The following ARRB1 variants were observed in gnomAD, a reference collection of about 807,000 sequenced individuals.
The protein encoded by ARRB1 is beta-arrestin-1.
In ARRB1, 21 loss-of-function variants were observed where a neutral mutation model predicts 56.8. The ratio of observed to expected loss-of-function variants is 0.37; its 90% confidence interval spans 0.26 to 0.53. The LOEUF is 0.53. Among genes scored for constraint, ARRB1 ranks in the 20% least tolerant of loss-of-function variants. The pLI, the probability that ARRB1 is intolerant of heterozygous loss-of-function variation, is 0.88. For synonymous variants in ARRB1, 210 were observed against 218.6 expected, an observed-to-expected ratio of 0.96 and a Z score of 0.35; for missense variants, 424 against 553.7, an observed-to-expected ratio of 0.77 and a Z score of 2.35.
At chr11:75,289,651 G>A (rs1031570405) in intron 2 of ARRB1, among the ~76,000 whole-genome samples, 1 of 152,160 alleles carries the variant, frequency 6.6e-6, no homozygotes, top group African/African-American at 2.4e-5. Context: ...AGGAGGTGAC[G>A]CTAGGGTCCT....
chr11:75,343,711 A>C (rs923236177), intron 1 of ARRB1, among the ~76,000 whole-genome samples: 1 of 152,192 alleles, frequency 6.6e-6, no homozygotes, highest in Non-Finnish European at 1.5e-5. Context: ...TAATCTGCTA[A>C]TAATCCATGC....
intron 10 of ARRB1, among the ~76,000 whole-genome samples, chr11:75,276,278 C>T (rs1946199419): frequency 6.6e-6 from 1 of 152,086 alleles, no homozygotes; most frequent in Non-Finnish European, 1.5e-5. Flanking sequence ...AAAGATGTTT[C>T]ACTTCAGATC....
At chr11:75,289,088 G>A (rs1331071877) in intron 2 of ARRB1, among the ~76,000 whole-genome samples, 1 of 152,178 alleles carries the variant, frequency 6.6e-6, no homozygotes, top group Non-Finnish European at 1.5e-5. Flanking sequence ...AGCAGGGAAG[G>A]GCAATGGTGA....
chr11:75,337,004 T>C (rs1947615606), intron 1 of ARRB1, among the ~76,000 whole-genome samples: 1 of 152,244 alleles, frequency 6.6e-6, no homozygotes, highest in African/African-American at 2.4e-5. Context: ...ATAGACATGT[T>C]TTATTTAATT....
rs372495305 is a variant in ARRB1, at chr11:75,332,670, G to C, written c.20+18918C>G. Among the ~76,000 whole-genome samples, 488 of 152,304 alleles carry C rather than the reference G, an allele frequency of 3.2e-3. 6 individuals carry two copies. The highest frequency in any genetic ancestry group is 0.011 in the African/African-American group (465 of 41,562). On this transcript the variant is annotated intron_variant, in intron 1 of 15. Transcript: ENST00000420843. ...CCAGCACTTTGGGAGGCCGAGGCAGGCTGATCATGAGGTCAGGAGTTCGAG... is the reference window on the plus strand; with the variant it reads ...CCAGCACTTTGGGAGGCCGAGGCAGCCTGATCATGAGGTCAGGAGTTCGAG...
chr11:75,317,421 C>T (rs931933054), intron 1 of ARRB1, among the ~76,000 whole-genome samples: 2 of 152,076 alleles, frequency 1.3e-5, no homozygotes, highest in African/African-American at 2.4e-5. Flanking sequence ...CCCCAACCCC[C>T]GACGGCATCC....
intron 1 of ARRB1, among the ~76,000 whole-genome samples, chr11:75,333,929 G>A (rs1018671123): frequency 2.0e-5 from 3 of 152,132 alleles, no homozygotes; most frequent in Non-Finnish European, 4.4e-5. Context: ...AGGTCAGCTC[G>A]GCCTGCCCTG....
chr11:75,339,030 C>G (rs1042684976), intron 1 of ARRB1, among the ~76,000 whole-genome samples: 1 of 152,244 alleles, frequency 6.6e-6, no homozygotes, highest in African/African-American at 2.4e-5. Context: ...GAACCCCAGC[C>G]TGCTGCCTCC....
intron 1 of ARRB1, among the ~76,000 whole-genome samples, chr11:75,293,615 T>G (rs1946658720): frequency 6.6e-6 from 1 of 152,172 alleles, no homozygotes; most frequent in Non-Finnish European, 1.5e-5. Context: ...ACAGCCTGAT[T>G]CACAGAGCTG....
At chr11:75,332,995 T>A (rs1947545035) in intron 1 of ARRB1, among the ~76,000 whole-genome samples, 1 of 152,170 alleles carries the variant, frequency 6.6e-6, no homozygotes, top group Non-Finnish European at 1.5e-5. Context: ...ATTCCTTAAA[T>A]GTATTTGATT....
At position 75,262,458 on chromosome 11, in the gene ARRB1, T is replaced by G. The variant is rs1047955676; in HGVS notation, c.*3705A>C. On this transcript the variant is annotated 3_prime_UTR_variant, in exon 16 of 16. Transcript: ENST00000420843. ...TCATCAAAGCCAAATTGGCTGTATC[T>G]CATTCTGGTTGACATCTGCCTAAGT... 4 of 152,220 alleles carry G rather than the reference T, an allele frequency of 2.6e-5. No individual in the cohort carries two copies. The highest frequency in any genetic ancestry group is 4.8e-5 in the African/African-American group (2 of 41,458). The allele number at this position is 152,220 out of a possible 1,614,324, so 9.4% of individuals were successfully genotyped here. A position where few individuals can be genotyped will look rare whatever the true frequency, so the allele number is the denominator to read the frequency against.
chr11:75,343,678 T>C (rs180971248), intron 1 of ARRB1, among the ~76,000 whole-genome samples: 92 of 152,294 alleles, frequency 6.0e-4, no homozygotes, highest in African/African-American at 2.1e-3. Context: ...AATCTGGTTC[T>C]TCCAAGAGCC....
Position 75,277,458 on chromosome 11 carries a change from A to G in ARRB1, c.619-10T>C. On this transcript the variant is annotated splice_polypyrimidine_tract_variant and intron_variant, in intron 8 of 15. Transcript: ENST00000420843. ...CTCCATGGTAATAGATCTGGGGGGC[A>G]TAAGAAGGGACGGGGTTGGCTGGGA... 6.2e-7 allele frequency: 1 copy of G among 1,613,506 alleles called. No individual in the cohort carries two copies. Among genetic ancestry groups the G allele is most frequent in the South Asian group, 1.1e-5 (1 of 91,072 alleles).
intron 15 of ARRB1, 38 bp downstream of exon 15, chr11:75,267,614 G>GCCC: frequency 7.5e-7 from 1 of 1,325,142 alleles, no homozygotes; most frequent in Non-Finnish European, 1.1e-6. Flanking sequence ...CCCACCCGCG[G>GCCC]CCCACCCCCG....
intron 1 of ARRB1, among the ~76,000 whole-genome samples, chr11:75,345,223 A>G (rs1947746954): frequency 1.3e-5 from 2 of 152,312 alleles, no homozygotes; most frequent in South Asian, 4.1e-4. Context: ...AGGAACAAGC[A>G]GTTCTTCTGA....
intron 1 of ARRB1, among the ~76,000 whole-genome samples, chr11:75,327,985 A>G (rs1042169946): frequency 6.6e-6 from 1 of 152,240 alleles, no homozygotes; most frequent in Non-Finnish European, 1.5e-5. Flanking sequence ...TGAACAATTC[A>G]GTGGCATTTA....
chr11:75,307,192 G>A (rs956105376), intron 1 of ARRB1, among the ~76,000 whole-genome samples: 5 of 152,160 alleles, frequency 3.3e-5, no homozygotes, highest in African/African-American at 7.2e-5. Flanking sequence ...ATCTCCGTCC[G>A]TAGCTGCTGC....
chr11:75,274,463 C>A (rs1946147452), intron 10 of ARRB1: 4 of 490,298 alleles, frequency 8.2e-6, no homozygotes, highest in Admixed American at 3.3e-5. Context: ...TTATCCTAGT[C>A]AAGCAGCACA....
chr11:75,303,705 G>A lies in ARRB1; in HGVS notation c.21-13666C>T, dbSNP rs1444256661. ...AAGCAAGCCCTCCCTCAAAAGCACA[G>A]TGGGAGGGTGGGAGGAGGTGCATGT... On this transcript the variant is annotated intron_variant, in intron 1 of 15. Transcript: ENST00000420843. 2.0e-5 allele frequency: 9 copies of A among 456,098 alleles called. No homozygotes were observed. The Admixed American group carries it at 2.1e-4, about 11-fold the overall frequency. The allele number at this position is 456,098 out of a possible 1,614,324, so 28.3% of individuals were successfully genotyped here.
Sources: gnomAD v4.1 joint callset for allele counts (sites outside exome capture counted in the v4.1 genomes callset) on GRCh38, gnomAD v4.1.1 for gene constraint, MANE v1.5 for transcripts, NCBI Gene and HGNC (gene_info 2026-07-23, HGNC 2026-07-21) for gene names.